Variants in PPP3R1 observed in about 807,000 individuals in gnomAD.
PPP3R1 encodes calcineurin subunit B type 1.
A neutral mutation model predicts 22.6 loss-of-function variants in PPP3R1; 5 were observed. The observed-to-expected ratio is 0.22, with a 90% CI of 0.12 to 0.46. The LOEUF is 0.46. Ranked by LOEUF, PPP3R1 falls within the 20% of genes least tolerant of loss-of-function variation. The probability of loss-of-function intolerance (pLI) is 0.99; values close to 1 mark genes in which losing one functional copy is unlikely to be tolerated. For synonymous variants in PPP3R1, 56 were observed against 65.2 expected, an observed-to-expected ratio of 0.86 and a Z score of 0.68; for missense variants, 61 against 203.2, an observed-to-expected ratio of 0.30 and a Z score of 4.25.
At chr2:68,245,083 C>T (rs1670209487) in intron 1 of PPP3R1, among the ~76,000 whole-genome samples, 1 of 152,142 alleles carries the variant, frequency 6.6e-6, no homozygotes, top group South Asian at 2.1e-4. Flanking sequence ...AAATATTCTA[C>T]TTCTAGGCCA....
intron 5 of PPP3R1, among the ~76,000 whole-genome samples, chr2:68,182,966 TTCCA>T (rs1442850487): frequency 2.6e-5 from 4 of 152,196 alleles, no homozygotes; most frequent in South Asian, 2.1e-4. Context: ...TCTTTGAGCC[TTCCA>T]ACCTGCTGCA....
intron 1 of PPP3R1, among the ~76,000 whole-genome samples, chr2:68,246,261 G>C (rs1220479623): frequency 2.0e-5 from 3 of 151,450 alleles, no homozygotes. Context: ...TTTTAGTAGA[G>C]ACAGGGTTTC....
intron 1 of PPP3R1, among the ~76,000 whole-genome samples, chr2:68,244,221 C>T (rs555674222): frequency 6.6e-6 from 1 of 152,272 alleles, no homozygotes; most frequent in South Asian, 2.1e-4. Context: ...AAGTATTAAG[C>T]TCTTTTCTGG....
intron 2 of PPP3R1, among the ~76,000 whole-genome samples, chr2:68,196,123 T>A (rs532048592): frequency 3.3e-5 from 5 of 152,318 alleles, no homozygotes; most frequent in Admixed American, 2.6e-4. Flanking sequence ...CAAAATTATC[T>A]ATGGAAAAGC....
intron 1 of PPP3R1, among the ~76,000 whole-genome samples, chr2:68,227,985 G>C (rs972966450): frequency 6.6e-6 from 1 of 152,152 alleles, no homozygotes; most frequent in African/African-American, 2.4e-5. Context: ...GCACTGACTA[G>C]AACTTTCAGC....
At position 68,232,255 on chromosome 2, in the gene PPP3R1, GTGTGTGTGTGTATATA is replaced by G. The variant is rs1268132991; in HGVS notation, c.4-15140_4-15125del. On this transcript the variant is annotated intron_variant, in intron 1 of 5. Coordinates refer to ENST00000234310, the MANE Select transcript of PPP3R1 (RefSeq NM_000945.4). ...TGTGTGTGTGTGTGTGTGTGTGTGT[GTGTGTGTGTGTATATA>G]TATATACACACACACAAAAATTAGC... 9.6e-3 allele frequency among the ~76,000 whole-genome samples: 675 copies of G among 70,180 alleles called. 14 individuals carry two copies. Among genetic ancestry groups the G allele is most frequent in the African/African-American group, 0.069 (642 of 9,268 alleles). The allele number at this position is 70,180 out of a possible 152,430, so 46.0% of individuals were successfully genotyped here.
chr2:68,190,542 G>A (rs1674643771), intron 2 of PPP3R1, among the ~76,000 whole-genome samples: 1 of 152,060 alleles, frequency 6.6e-6, no homozygotes, highest in Non-Finnish European at 1.5e-5. Context: ...CTCTAGCCTG[G>A]GCGACAAAAG....
chr2:68,206,805 A>G (rs955444393), intron 2 of PPP3R1, among the ~76,000 whole-genome samples: 1 of 152,216 alleles, frequency 6.6e-6, no homozygotes, highest in African/African-American at 2.4e-5. Context: ...ACAGGAAAGA[A>G]TACAGTATGT....
chr2:68,201,160 C>T (rs1253600219), intron 2 of PPP3R1, among the ~76,000 whole-genome samples: 1 of 152,134 alleles, frequency 6.6e-6, no homozygotes. Flanking sequence ...AGATCTTCCT[C>T]TTATTTTATC....
At chr2:68,193,742 T>C (rs1036302191) in intron 2 of PPP3R1, among the ~76,000 whole-genome samples, 4 of 152,160 alleles carry the variant, frequency 2.6e-5, no homozygotes, top group Admixed American at 6.5e-5. Context: ...ATATCGGCAT[T>C]AGCAATCACC....
rs556349472 is a variant in PPP3R1 at position 68,251,579 on chromosome 2, T to C, written c.3+546A>G. On this transcript the variant is annotated intron_variant, in intron 1 of 5. Coordinates refer to ENST00000234310, the MANE Select transcript of PPP3R1 (RefSeq NM_000945.4). ...ACGCTCGCAGGAGAGGGGAAGTGAGTGGCAGGGTTCCCTGCCAAGACTCAC... is the reference window on the plus strand; with the variant it reads ...ACGCTCGCAGGAGAGGGGAAGTGAGCGGCAGGGTTCCCTGCCAAGACTCAC... Among the ~76,000 whole-genome samples the C allele has an allele frequency of 4.8e-3, 733 of 152,052 alleles. 5 individuals are homozygous for C. Among genetic ancestry groups the C allele is most frequent in the Non-Finnish European group, 9.0e-3 (609 of 67,950 alleles).
intron 2 of PPP3R1, among the ~76,000 whole-genome samples, 173 bp downstream of exon 2, chr2:68,216,915 CATAA>C (rs578066809): frequency 6.3e-4 from 96 of 151,946 alleles, no homozygotes; most frequent in Non-Finnish European, 1.2e-3. Flanking sequence ...ACTCTGGTAA[CATAA>C]ATAGACTGTA....
Position 68,217,134 on chromosome 2 carries a change from G to A in PPP3R1, c.4-3C>T, listed in dbSNP as rs1669594871. ...AAAGGATAACTTGCCTCATTTCCCT[G>A]GGGGGAAAGAAAGAAATAATTAGTC... On this transcript the variant is annotated splice_polypyrimidine_tract_variant and splice_region_variant and intron_variant, in intron 1 of 5. Coordinates refer to ENST00000234310, the MANE Select transcript of PPP3R1 (RefSeq NM_000945.4). 7.6e-6 allele frequency: 12 copies of A among 1,583,796 alleles called. No individual in the cohort carries two copies. Among genetic ancestry groups the A allele is most frequent in the Non-Finnish European group, 1.0e-5 (12 of 1,159,160 alleles).
At chr2:68,225,324 C>T (rs907399038) in intron 1 of PPP3R1, among the ~76,000 whole-genome samples, 1 of 152,150 alleles carries the variant, frequency 6.6e-6, no homozygotes, top group Non-Finnish European at 1.5e-5. Context: ...AGAGTCAAAG[C>T]AGGAGAGGAA....
chr2:68,217,147 GAAAT>G lies in PPP3R1; in HGVS notation c.4-20_4-17del. ...CCTCATTTCCCTGGGGGGAAAGAAA[GAAAT>G]AATTAGTCATAAAATAGGCACAAAT... is the stretch of plus-strand genomic sequence containing the variant. On this transcript the variant is annotated splice_polypyrimidine_tract_variant and intron_variant, in intron 1 of 5. Transcript: ENST00000234310. 1 of 1,566,532 alleles carries G rather than the reference GAAAT, an allele frequency of 6.4e-7. No homozygotes were observed. The highest frequency in any genetic ancestry group is 8.7e-7 in the Non-Finnish European group (1 of 1,146,768).
chr2:68,216,563 A>G (rs1558636589), intron 2 of PPP3R1, among the ~76,000 whole-genome samples: 2 of 152,196 alleles, frequency 1.3e-5, no homozygotes. Flanking sequence ...TTCAAGCCCC[A>G]ACAGTGGCTG....
intron 2 of PPP3R1, among the ~76,000 whole-genome samples, chr2:68,202,879 T>G (rs543097529): frequency 1.5e-5 from 2 of 135,716 alleles, no homozygotes; most frequent in Non-Finnish European, 3.1e-5. Context: ...CTCAGCTCAC[T>G]GCAAGCTTCG....
chr2:68,184,448 CCTTT>C (rs1457261190), intron 5 of PPP3R1, among the ~76,000 whole-genome samples: 1 of 152,090 alleles, frequency 6.6e-6, no homozygotes, highest in African/African-American at 2.4e-5. Context: ...AGTACATAAC[CCTTT>C]CTAATTCATT....
rs1674374061 is a variant in PPP3R1 at position 68,180,281 on chromosome 2, G to A, written c.*682C>T. On this transcript the variant is annotated 3_prime_UTR_variant, in exon 6 of 6. Coordinates refer to ENST00000234310, the MANE Select transcript of PPP3R1 (RefSeq NM_000945.4). Reference sequence around the variant, plus strand: ...AACTAGACTTTCTCCTCAAGCAGAGGTGTATTAAAAGCTGCTCAGCAATGA... The same window carrying A: ...AACTAGACTTTCTCCTCAAGCAGAGATGTATTAAAAGCTGCTCAGCAATGA... 6.6e-6 allele frequency: 1 copy of A among 152,466 alleles called. No homozygotes were observed. Among genetic ancestry groups the A allele is most frequent in the Non-Finnish European group, 1.5e-5 (1 of 68,040 alleles). 9.4% of individuals were successfully genotyped at this position (152,466 alleles called of 1,614,324 possible).
Sources: allele counts gnomAD v4.1 joint callset (sites outside exome capture counted in the v4.1 genomes callset), GRCh38; gene constraint gnomAD v4.1.1; transcripts MANE v1.5; gene names NCBI Gene and HGNC (gene_info 2026-07-23, HGNC 2026-07-21).